The following UCMA variants were observed in gnomAD, a reference collection of about 807,000 sequenced individuals.
UCMA encodes upper zone of growth plate and cartilage matrix associated, also known as upper zone of growth plate and cartilage matrix-associated protein.
In UCMA, 21 loss-of-function variants were observed where a neutral mutation model predicts 21.8. The observed-to-expected ratio is 0.97, with a 90% CI of 0.68 to 1.39. The LOEUF (loss-of-function observed/expected upper bound fraction) is 1.39, where lower values mean the gene tolerates loss of function less well. UCMA is among the 40% of genes most tolerant of loss of function. UCMA has a pLI of 0.00. For missense variants in UCMA, 193 were observed against 178.9 expected, an observed-to-expected ratio of 1.08 and a Z score of -0.45; for synonymous variants, 76 against 67.9, an observed-to-expected ratio of 1.12 and a Z score of -0.58.
rs1349520352 is a variant in UCMA, at chr10:13,221,794, A to G, written c.*309T>C. On this transcript the variant is annotated 3_prime_UTR_variant, in exon 5 of 5. Coordinates refer to ENST00000378681, the MANE Select transcript of UCMA (RefSeq NM_145314.3). ...GATTCAGCGTTTTTATTTGTAAGCC[A>G]TAAGCAAACATGTGATTCTTGACTG... 6.0e-6 allele frequency: 2 copies of G among 335,914 alleles called. No individual in the cohort carries two copies. Among genetic ancestry groups the G allele is most frequent in the African/African-American group, 4.3e-5 (2 of 47,056 alleles). 20.8% of individuals were successfully genotyped at this position (335,914 alleles called of 1,614,324 possible).
At chr10:13,231,389 C>T (rs1426192372) in intron 3 of UCMA, among the ~76,000 whole-genome samples, 1 of 152,150 alleles carries the variant, frequency 6.6e-6, no homozygotes, top group Non-Finnish European at 1.5e-5. Flanking sequence ...TAACAGAGGT[C>T]ACACAGCAGA....
intron 4 of UCMA, among the ~76,000 whole-genome samples, chr10:13,227,979 G>A (rs1588489846): frequency 2.0e-5 from 3 of 151,898 alleles, no homozygotes; most frequent in East Asian, 1.9e-4. Context: ...TCTAAGAGCA[G>A]ACAGGAACCC....
Position 13,229,614 on chromosome 10 carries a change from C to A in UCMA, c.316G>T (p.Asp106Tyr). 1 of 1,613,760 alleles carries A rather than the reference C, an allele frequency of 6.2e-7. No homozygotes were observed. Among genetic ancestry groups the A allele is most frequent in the Non-Finnish European group, 8.5e-7 (1 of 1,179,740 alleles). ...EFENFVEEQNDEQEERSREAV... is the reference protein window; with the variant it reads ...EFENFVEEQNYEQEERSREAV... ...ACACTGGCTGAAGAGCTCTTACCAT[C>A]GTTTTGTTCCTCCACGAAGTTCTCA... The change falls in exon 4 of 5, where the codon GAT becomes TAT. Residue 106 changes from aspartate to tyrosine, a missense_variant. Coordinates refer to ENST00000378681, the MANE Select transcript of UCMA (RefSeq NM_145314.3).
At chr10:13,223,459 G>A (rs115658491) in intron 4 of UCMA, among the ~76,000 whole-genome samples, 1,858 of 152,246 alleles carry the variant, frequency 0.012, 45 homozygotes, top group African/African-American at 0.041. Context: ...TCTACAACAT[G>A]GACAAACCTT....
At chr10:13,227,593 C>T (rs972267109) in intron 4 of UCMA, among the ~76,000 whole-genome samples, 13 of 151,362 alleles carry the variant, frequency 8.6e-5, no homozygotes. Flanking sequence ...CGGTGCACAC[C>T]TGTAATCCCA....
intron 4 of UCMA, among the ~76,000 whole-genome samples, chr10:13,224,724 C>T (rs1162540973): frequency 6.6e-6 from 1 of 152,218 alleles, no homozygotes; most frequent in Non-Finnish European, 1.5e-5. Flanking sequence ...TTGCTTTGGT[C>T]CTTAGCACCT....
intron 4 of UCMA, among the ~76,000 whole-genome samples, chr10:13,224,580 T>C (rs1226974579): frequency 6.6e-6 from 1 of 152,220 alleles, no homozygotes; most frequent in African/African-American, 2.4e-5. Context: ...TTCTTACCTC[T>C]GTTTTCTCAA....
At chr10:13,224,802 C>A (rs1834803167) in intron 4 of UCMA, among the ~76,000 whole-genome samples, 3 of 152,174 alleles carry the variant, frequency 2.0e-5, no homozygotes, top group Admixed American at 2.0e-4. Context: ...GTGACCAAGG[C>A]ATGTTGAGGC....
chr10:13,231,684 C>T (rs1380275973), intron 3 of UCMA, among the ~76,000 whole-genome samples: 1 of 152,186 alleles, frequency 6.6e-6, no homozygotes, highest in Non-Finnish European at 1.5e-5. Context: ...CAATTTAATC[C>T]TCAGGACAAG....
chr10:13,222,180 C>T lies in UCMA; in HGVS notation c.340G>A (p.Glu114Lys), dbSNP rs764620130. The T allele has an allele frequency of 3.5e-5, 57 of 1,613,838 alleles. No homozygotes were observed. Among genetic ancestry groups the T allele is most frequent in the Non-Finnish European group, 4.5e-5 (53 of 1,179,982 alleles). Residue 114 changes from glutamate (E) to lysine (K), a missense_variant, in exon 5 of 5, where the codon GAG (glutamate) becomes AAG (lysine). Glu to Lys is a moderately conservative substitution (Grantham distance 56, BLOSUM62 1). Coordinates refer to ENST00000378681, the MANE Select transcript of UCMA (RefSeq NM_145314.3). ...QNDEQEERSR[E>K]AVEQWRQWHY... ...CACTGGCGCCACTGCTCCACAGCCT[C>T]CCGGCTCCTCTCTTCCTGCTCTGGG...
chr10:13,222,086 C>A lies in UCMA; in HGVS notation c.*17G>T, dbSNP rs1331825576. On this transcript the variant is annotated 3_prime_UTR_variant, in exon 5 of 5. Transcript: ENST00000378681. ...GGTGCTACAAGCTTTGTCTTCTTGG[C>A]CGGCTTCAGGATGGGATCAGGTGTG... The A allele has an allele frequency of 6.2e-7, 1 of 1,613,632 alleles. No homozygotes were observed. Among genetic ancestry groups the A allele is most frequent in the African/African-American group, 1.3e-5 (1 of 75,040 alleles).
intron 4 of UCMA, among the ~76,000 whole-genome samples, chr10:13,223,025 G>C (rs971415993): frequency 2.0e-5 from 3 of 151,700 alleles, no homozygotes; most frequent in African/African-American, 7.3e-5. Flanking sequence ...AGGAATTCTA[G>C]ACTAACTTGG....
intron 1 of UCMA, 83 bp downstream of exon 1, chr10:13,234,118 T>A: frequency 7.4e-7 from 1 of 1,349,838 alleles, no homozygotes; most frequent in Non-Finnish European, 1.0e-6. Context: ...TCTACCTGCA[T>A]CACCTGAGCA....
At chr10:13,229,838 T>C (rs1834876282) in intron 3 of UCMA, 129 bp from the exon 4 acceptor site, 2 of 666,618 alleles carry the variant, frequency 3.0e-6, no homozygotes, top group South Asian at 1.9e-5. Flanking sequence ...GGGATTGTGA[T>C]TGGAGACTTC....
intron 4 of UCMA, among the ~76,000 whole-genome samples, chr10:13,222,811 C>A (rs1834775257): frequency 6.6e-6 from 1 of 150,512 alleles, no homozygotes. Context: ...CCCACTTCAG[C>A]CTCCTTTCAC....
In UCMA at chr10:13,229,671, T is replaced by C. The variant is rs1834873339; in HGVS notation, c.259A>G (p.Arg87Gly). ...TTCCTTTGTTCCTCGTAATATTCTC[T>C]CCGCAGCTCATCAACCCGAAGCTTC... Reference protein sequence around the residue: ...RQKLRVDELRREYYEEQRNEF... With the variant: ...RQKLRVDELRGEYYEEQRNEF... Residue 87 changes from arginine to glycine, a missense_variant, in exon 4 of 5, where the codon AGA becomes GGA. Arg to Gly is a moderately radical substitution (Grantham distance 125). Coordinates refer to ENST00000378681, the MANE Select transcript of UCMA (RefSeq NM_145314.3). 2 of 1,614,088 alleles carry C rather than the reference T, an allele frequency of 1.2e-6. No individual in the cohort carries two copies. The highest frequency in any genetic ancestry group is 1.1e-5 in the South Asian group (1 of 91,058).
In UCMA at chr10:13,233,417, G is replaced by A. The variant is rs1257060350; in HGVS notation, c.220+121C>T. ...AGAGCTGCAGTCCCTTTGATACCCT[G>A]GGGTGAGCCCTTCGTGCCCAGCTGC... On this transcript the variant is annotated intron_variant, in intron 3 of 4. Coordinates refer to ENST00000378681, the MANE Select transcript of UCMA (RefSeq NM_145314.3). 1.5e-5 allele frequency: 11 copies of A among 753,134 alleles called. No homozygotes were observed. The Admixed American group carries it at 1.9e-4, about 13-fold the overall frequency. The allele number at this position is 753,134 out of a possible 1,614,324, so 46.7% of individuals were successfully genotyped here.
chr10:13,222,328 GAGA>G (rs1243164280), intron 4 of UCMA, 128 bp from the exon 5 acceptor site: 2 of 788,818 alleles, frequency 2.5e-6, no homozygotes, highest in South Asian at 1.7e-5. Context: ...GCCCTGGTGA[GAGA>G]AGGCCAGGAC....
At chr10:13,227,648 G>A (rs1202548383) in intron 4 of UCMA, among the ~76,000 whole-genome samples, 2 of 150,704 alleles carry the variant, frequency 1.3e-5, no homozygotes, top group African/African-American at 2.4e-5. Context: ...AACTCGGAGC[G>A]GGAGGTTGCG....
Sources: gnomAD v4.1 joint callset for allele counts (sites outside exome capture counted in the v4.1 genomes callset) on GRCh38, gnomAD v4.1.1 for gene constraint, MANE v1.5 for transcripts, NCBI Gene and HGNC (gene_info 2026-07-23, HGNC 2026-07-21) for gene names.